The following GSE1 variants were observed in gnomAD, a reference collection of about 807,000 sequenced individuals.
GSE1 encodes genetic suppressor element 1.
GSE1 carries 32 observed loss-of-function variants against 112.6 expected under a neutral mutation model. The observed-to-expected ratio is 0.28, with a 90% confidence interval of 0.21 to 0.38. The LOEUF (loss-of-function observed/expected upper bound fraction) is 0.38. Ranked by LOEUF, GSE1 falls within the 10% of genes least tolerant of loss-of-function variation. The pLI is 1.00. For missense variants in GSE1, 2,348 were observed against 1,699.2 expected, an observed-to-expected ratio of 1.38 and a Z score of -6.71; for synonymous variants, 1,115 against 735.6, an observed-to-expected ratio of 1.52 and a Z score of -8.35.
At position 85,466,351 on chromosome 16, in the gene GSE1, C is replaced by T. The variant is rs149405920; in HGVS notation, c.2464+108708C>T. On this transcript the variant is annotated intron_variant, in intron 2 of 2. Coordinates refer to the GSE1 transcript ENST00000637419. ...CCAAGGAGGAGTGGCCCCCAGGACC[C>T]CCTGGGGAGTGGGCAGGGGCTGTGT... is the stretch of plus-strand genomic sequence containing the variant. Among the ~76,000 whole-genome samples, 1,251 of 152,306 alleles carry T rather than the reference C, an allele frequency of 8.2e-3. 14 individuals carry two copies. Among genetic ancestry groups the T allele is most frequent in the African/African-American group, 0.029 (1,197 of 41,572 alleles).
At chr16:85,461,658 C>A (rs1176968380) in intron 2 of GSE1, among the ~76,000 whole-genome samples, 2 of 152,182 alleles carry the variant, frequency 1.3e-5, no homozygotes, top group African/African-American at 2.4e-5. Context: ...GCCCCCACCC[C>A]TTTAATTAGG....
intron 1 of GSE1, among the ~76,000 whole-genome samples, chr16:85,312,438 A>G (rs908878123): frequency 1.3e-5 from 2 of 152,184 alleles, no homozygotes; most frequent in African/African-American, 4.8e-5. Flanking sequence ...GCCTTGGCTC[A>G]TGGCTGTATT....
intron 1 of GSE1, among the ~76,000 whole-genome samples, chr16:85,247,198 C>A (rs1010144321): frequency 6.6e-6 from 1 of 152,172 alleles, no homozygotes; most frequent in African/African-American, 2.4e-5. Flanking sequence ...GATTTCGCCA[C>A]GGGCTGGATG....
intron 1 of GSE1, among the ~76,000 whole-genome samples, chr16:85,333,094 G>T (rs1026178286): frequency 1.3e-5 from 2 of 152,034 alleles, no homozygotes; most frequent in Non-Finnish European, 2.9e-5. Flanking sequence ...AAATCAGCCA[G>T]CACTCACCCA....
chr16:85,666,943 T>C (rs73253252), intron 13 of GSE1, among the ~76,000 whole-genome samples: 7,681 of 152,308 alleles, frequency 0.05, 695 homozygotes, highest in African/African-American at 0.18. Context: ...AGGTACTACA[T>C]TGAATCCATG....
intron 1 of GSE1, among the ~76,000 whole-genome samples, chr16:85,248,705 A>G (rs1049147001): frequency 2.0e-5 from 3 of 152,168 alleles, no homozygotes; most frequent in Non-Finnish European, 4.4e-5. Flanking sequence ...GGCTAGAACC[A>G]AGCAGGGAGG....
At chr16:85,377,716 G>C (rs912052024) in intron 2 of GSE1, among the ~76,000 whole-genome samples, 5 of 152,212 alleles carry the variant, frequency 3.3e-5, no homozygotes, top group African/African-American at 7.2e-5. Context: ...TGTTGTTCCC[G>C]GGAGTGGCCG....
rs144045105 is a variant in GSE1, at chr16:85,241,434, T to A, written c.2283+69627T>A. On this transcript the variant is annotated intron_variant, in intron 1 of 2. Coordinates refer to the GSE1 transcript ENST00000637419. ...CATTGCATGGCTTCATGCTGGTAGC[T>A]TGCAGTCTGCTGTGGTGGGAGTGTT... is the stretch of plus-strand genomic sequence containing the variant. 6.6e-3 allele frequency among the ~76,000 whole-genome samples: 1,004 copies of A among 152,310 alleles called. 6 individuals are homozygous for A. The highest frequency in any genetic ancestry group is 0.011 in the Non-Finnish European group (724 of 68,018).
chr16:85,315,328 A>C (rs1010672007), intron 1 of GSE1, among the ~76,000 whole-genome samples: 10 of 152,142 alleles, frequency 6.6e-5, no homozygotes, highest in African/African-American at 2.4e-4. Flanking sequence ...CACGCACATC[A>C]GATTGAAGGA....
intron 1 of GSE1, among the ~76,000 whole-genome samples, chr16:85,576,537 C>G (rs932677208): frequency 1.3e-5 from 2 of 152,140 alleles, no homozygotes; most frequent in African/African-American, 4.8e-5. Flanking sequence ...CGCATGTCTT[C>G]CTCTAGCAAG....
intron 2 of GSE1, among the ~76,000 whole-genome samples, chr16:85,469,610 T>G (rs2050225151): frequency 6.6e-6 from 1 of 152,240 alleles, no homozygotes; most frequent in South Asian, 2.1e-4. Flanking sequence ...TTAAAAATTC[T>G]GTCTAGTGTT....
At chr16:85,194,675 A>C (rs72797612) in intron 1 of GSE1, among the ~76,000 whole-genome samples, 28,607 of 152,116 alleles carry the variant, frequency 0.19, 3,141 homozygotes, top group Middle Eastern at 0.3. Context: ...GTTAACCAGG[A>C]GCTTTGGCTG....
At chr16:85,420,816 G>A (rs971469097) in intron 2 of GSE1, among the ~76,000 whole-genome samples, 1 of 152,138 alleles carries the variant, frequency 6.6e-6, no homozygotes, top group African/African-American at 2.4e-5. Context: ...CTCTAGAGAG[G>A]CTGCAGGGCA....
intron 2 of GSE1, among the ~76,000 whole-genome samples, chr16:85,497,060 C>T (rs574245758): frequency 5.9e-5 from 9 of 152,254 alleles, no homozygotes; most frequent in East Asian, 1.9e-4. Flanking sequence ...CACCACGCCC[C>T]GCTAAGTTTT....
intron 1 of GSE1, among the ~76,000 whole-genome samples, chr16:85,613,738 C>T (rs1366000320): frequency 6.7e-6 from 1 of 149,438 alleles, no homozygotes; most frequent in Non-Finnish European, 1.5e-5. Context: ...GGGGGAGTCT[C>T]CGAGAGCTGC....
intron 2 of GSE1, among the ~76,000 whole-genome samples, chr16:85,378,083 A>AC (rs1189061543): frequency 6.6e-6 from 1 of 151,236 alleles, no homozygotes; most frequent in African/African-American, 2.4e-5. Flanking sequence ...ACAGACCCCC[A>AC]CCCCCATCCC....
intron 2 of GSE1, among the ~76,000 whole-genome samples, chr16:85,496,591 A>T (rs567571471): frequency 2.0e-5 from 3 of 152,332 alleles, no homozygotes; most frequent in African/African-American, 7.2e-5. Flanking sequence ...TTGCAGGCTG[A>T]GGGCAGAAGT....
chr16:85,649,542 C>T (rs1178546446), intron 3 of GSE1, among the ~76,000 whole-genome samples: 1 of 152,188 alleles, frequency 6.6e-6, no homozygotes, highest in Admixed American at 6.5e-5. Flanking sequence ...CTGACTGGGG[C>T]CTGCCTGTGT....
At chr16:85,202,617 T>TG (rs2075048585) in intron 1 of GSE1, among the ~76,000 whole-genome samples, 1 of 152,144 alleles carries the variant, frequency 6.6e-6, no homozygotes, top group Non-Finnish European at 1.5e-5. Flanking sequence ...GCCACAGTGA[T>TG]GGGGCTGCCA....
Sources: allele counts gnomAD v4.1 joint callset (sites outside exome capture counted in the v4.1 genomes callset), GRCh38; gene constraint gnomAD v4.1.1; transcripts MANE v1.5; gene names NCBI Gene and HGNC (gene_info 2026-07-23, HGNC 2026-07-21).